ADAM12: variants seen among roughly 807,000 people sequenced by gnomAD.
ADAM12 encodes disintegrin and metalloproteinase domain-containing protein 12.
In ADAM12, 70 loss-of-function variants were observed where a neutral mutation model predicts 106.4. The ratio of observed to expected loss-of-function variants is 0.66; its 90% confidence interval spans 0.54 to 0.80. The LOEUF is 0.80. ADAM12 is among the 30% of genes least tolerant of loss of function. The pLI, the probability that ADAM12 is intolerant of heterozygous loss-of-function variation, is 0.00. For synonymous variants in ADAM12, 420 were observed against 433.5 expected (o/e 0.97, Z 0.39); for missense variants, 1,010 against 1,171.9 (o/e 0.86, Z 2.02).
intron 13 of ADAM12, among the ~76,000 whole-genome samples, chr10:126,065,638 C>T (rs1264618011): frequency 2.0e-5 from 3 of 152,126 alleles, no homozygotes; most frequent in South Asian, 4.2e-4. Flanking sequence ...GGCTACACAG[C>T]TAGGGAACCC....
chr10:126,036,886 A>G (rs1954069794), intron 20 of ADAM12, among the ~76,000 whole-genome samples: 1 of 152,200 alleles, frequency 6.6e-6, no homozygotes, highest in Non-Finnish European at 1.5e-5. Context: ...TTCTAAAAAC[A>G]GCTTAATTGA....
chr10:126,177,255 GA>G lies in ADAM12; in HGVS notation c.261-21951del, dbSNP rs951191447. On this transcript the variant is annotated intron_variant, in intron 3 of 22. Coordinates refer to ENST00000448723, the MANE Select transcript of ADAM12 (RefSeq NM_001288973.2). ...AGAAGATAACATTAGATTGTAAATG[GA>G]AAAAAAAAAAGCAATGAGATGAGAA... Among the ~76,000 whole-genome samples, 146 of 143,206 alleles carry G rather than the reference GA, an allele frequency of 1.0e-3. 1 individual carries two copies. Among genetic ancestry groups the G allele is most frequent in the East Asian group, 2.2e-3 (11 of 4,962 alleles). 93.9% of individuals were successfully genotyped at this position (143,206 alleles called of 152,430 possible).
At chr10:126,343,984 T>C (rs919198478) in intron 1 of ADAM12, among the ~76,000 whole-genome samples, 1 of 152,238 alleles carries the variant, frequency 6.6e-6, no homozygotes, top group African/African-American at 2.4e-5. Flanking sequence ...CTGTTCACTC[T>C]GATGGTAGTT....
At chr10:126,082,377 T>G (rs916332446) in intron 11 of ADAM12, among the ~76,000 whole-genome samples, 4 of 146,098 alleles carry the variant, frequency 2.7e-5, no homozygotes, top group East Asian at 2.0e-4. Context: ...TTTTTTTTTT[T>G]TTTTTTTTTT....
intron 2 of ADAM12, among the ~76,000 whole-genome samples, chr10:126,315,080 A>C (rs971565495): frequency 6.6e-6 from 1 of 152,206 alleles, no homozygotes; most frequent in Admixed American, 6.5e-5. Context: ...ATTTGCCGTC[A>C]TGGTTGCAAG....
chr10:126,364,138 ACTTTTT>A (rs1354144059), intron 1 of ADAM12, among the ~76,000 whole-genome samples: 3 of 151,994 alleles, frequency 2.0e-5, no homozygotes, highest in Non-Finnish European at 4.4e-5. Flanking sequence ...AGTATCCAAT[ACTTTTT>A]TTTTTAAAAA....
chr10:126,171,260 T>C (rs1957115467), intron 3 of ADAM12, among the ~76,000 whole-genome samples: 1 of 152,208 alleles, frequency 6.6e-6, no homozygotes, highest in Non-Finnish European at 1.5e-5. Context: ...AGGGTAATTC[T>C]TATGAATTAC....
chr10:126,151,598 C>A (rs1294218713), intron 4 of ADAM12, among the ~76,000 whole-genome samples: 1 of 152,058 alleles, frequency 6.6e-6, no homozygotes, highest in African/African-American at 2.4e-5. Flanking sequence ...GTTTTAGAAG[C>A]TCCTTCCACA....
At chr10:126,319,594 G>A (rs1223353598) in intron 2 of ADAM12, among the ~76,000 whole-genome samples, 1 of 152,156 alleles carries the variant, frequency 6.6e-6, no homozygotes, top group African/African-American at 2.4e-5. Flanking sequence ...ACCAAGAGGA[G>A]CCTTCAGAGA....
In ADAM12 at chr10:126,082,431, C is replaced by T. The variant is rs150078652; in HGVS notation, c.1146-10777G>A. Among the ~76,000 whole-genome samples, 838 of 130,168 alleles carry T rather than the reference C, an allele frequency of 6.4e-3. 7 individuals carry two copies. The highest frequency in any genetic ancestry group is 0.023 in the African/African-American group (769 of 34,106). The allele number at this position is 130,168 out of a possible 152,430, so 85.4% of individuals were successfully genotyped here. A position where few individuals can be genotyped will look rare whatever the true frequency, so the allele number is the denominator to read the frequency against. On this transcript the variant is annotated intron_variant, in intron 11 of 22. Coordinates refer to ENST00000448723, the MANE Select transcript of ADAM12 (RefSeq NM_001288973.2). ...TAGCCCAGGTTGGAGTTCAGTGGTG[C>T]GATCTCGGCTCACCGTAACTTCCGC...
intron 3 of ADAM12, among the ~76,000 whole-genome samples, chr10:126,254,581 C>T (rs1316530657): frequency 6.6e-6 from 1 of 152,174 alleles, no homozygotes; most frequent in East Asian, 1.9e-4. Flanking sequence ...AGCGTCAATT[C>T]CACACCCGGT....
rs1955666735 is a variant in ADAM12, at chr10:126,101,499, T to G, written c.742-258A>C. On this transcript the variant is annotated intron_variant, in intron 8 of 22. Transcript: ENST00000448723. ...CAGCTTTTTTACTGTCTACTTGCAT[T>G]TGTATGGAAGCATACATTTCAAATG... Among the ~76,000 whole-genome samples, 3 of 152,208 alleles carry G rather than the reference T, an allele frequency of 2.0e-5. No individual in the cohort carries two copies. The South Asian group carries it at 6.2e-4, about 32-fold the overall frequency.
At chr10:126,292,005 G>C (rs1281696056) in intron 2 of ADAM12, among the ~76,000 whole-genome samples, 1 of 151,130 alleles carries the variant, frequency 6.6e-6, no homozygotes, top group South Asian at 2.1e-4. Flanking sequence ...TGAAACATTA[G>C]AAAAATCAGC....
chr10:126,380,475 A>C (rs754494439), intron 1 of ADAM12, among the ~76,000 whole-genome samples: 27 of 152,214 alleles, frequency 1.8e-4, no homozygotes, highest in Non-Finnish European at 3.4e-4. Flanking sequence ...TCACTATCTG[A>C]GGCTATCATT....
intron 3 of ADAM12, among the ~76,000 whole-genome samples, chr10:126,232,226 G>C (rs1958326352): frequency 6.6e-6 from 1 of 152,110 alleles, no homozygotes; most frequent in Admixed American, 6.5e-5. Context: ...CCTTATAAGA[G>C]ACAAGCAGGA....
intron 3 of ADAM12, among the ~76,000 whole-genome samples, chr10:126,208,399 AC>A (rs1957836313): frequency 6.6e-6 from 1 of 152,134 alleles, no homozygotes; most frequent in African/African-American, 2.4e-5. Flanking sequence ...AGGGTAAGAA[AC>A]CTGTTCAAGC....
chr10:126,161,164 T>G (rs1235482158), intron 3 of ADAM12, among the ~76,000 whole-genome samples: 1 of 152,220 alleles, frequency 6.6e-6, no homozygotes, highest in Non-Finnish European at 1.5e-5. Context: ...TGGTCATCGC[T>G]GTATTCCCTC....
At position 126,049,639 on chromosome 10, in the gene ADAM12, T is replaced by C. The variant is rs769097109; in HGVS notation, c.1640A>G (p.Glu547Gly). The C allele has an allele frequency of 6.2e-6, 10 of 1,614,030 alleles. No individual in the cohort carries two copies. Among genetic ancestry groups the C allele is most frequent in the East Asian group, 2.2e-5 (1 of 44,882 alleles). Residue 547 changes from glutamate to glycine, a missense_variant, in exon 15 of 23, where the codon GAG becomes GGG. Around this residue, in one of 3 missense-constraint regions of ADAM12, gnomAD observed 615 missense variants for 708.5 expected, o/e 0.87. Coordinates refer to ENST00000448723, the MANE Select transcript of ADAM12 (RefSeq NM_001288973.2). The surrounding 1 kb of genome is among the most constrained non-coding windows in gnomAD (Gnocchi z 4.4). ...GAKPAPGICF[E>G]RVNSAGDPYG... ...AGGATCACCTGCAGAATTGACTCTCTCAAAGCAGATCCCAGGGGCAGGTTT... is the reference window on the plus strand; with the variant it reads ...AGGATCACCTGCAGAATTGACTCTCCCAAAGCAGATCCCAGGGGCAGGTTT...
intron 8 of ADAM12, among the ~76,000 whole-genome samples, chr10:126,102,394 C>T (rs1229103233): frequency 2.0e-5 from 3 of 152,332 alleles, no homozygotes; most frequent in South Asian, 2.1e-4. Context: ...AAAGCAGGTC[C>T]TATTCTCAGT....
Sources: gnomAD v4.1 joint callset for allele counts (sites outside exome capture counted in the v4.1 genomes callset) on GRCh38, gnomAD v4.1.1 for gene constraint, gnomAD v4.1.1 regional missense constraint, Gnocchi (gnomAD v3.1) non-coding constraint, MANE v1.5 for transcripts, NCBI Gene and HGNC (gene_info 2026-07-23, HGNC 2026-07-21) for gene names.